Variants in UBASH3B observed in about 807,000 individuals in gnomAD.
UBASH3B encodes the protein ubiquitin-associated and SH3 domain-containing protein B.
Under a neutral mutation model 83.4 loss-of-function variants are expected in UBASH3B, and 37 were observed. That is an observed-to-expected ratio of 0.44 (90% CI 0.34 to 0.58). The LOEUF (loss-of-function observed/expected upper bound fraction) is 0.58. Ranked by LOEUF, UBASH3B falls within the 20% of genes least tolerant of loss-of-function variation. The pLI, the probability that UBASH3B is intolerant of heterozygous loss-of-function variation, is 0.01. For synonymous variants in UBASH3B, 304 were observed against 318.3 expected, an observed-to-expected ratio of 0.96 and a Z score of 0.48; for missense variants, 657 against 827.2, an observed-to-expected ratio of 0.79 and a Z score of 2.52.
At position 122,768,508 on chromosome 11, in the gene UBASH3B, G is replaced by GTGTGTATATA. The variant is rs557159523; in HGVS notation, c.162-7710_162-7709insGTGTATATAT. Among the ~76,000 whole-genome samples the GTGTGTATATA allele has an allele frequency of 8.8e-4, 118 of 134,394 alleles. 1 individual carries two copies. In the East Asian group the frequency reaches 0.012, roughly 13 times the overall value. The allele number at this position is 134,394 out of a possible 152,430, so 88.2% of individuals were successfully genotyped here. ...TGTGTGTGTGTGTGTGTGTGTGTGT[G>GTGTGTATATA]TATATATATATATTTGAGACTGAGC... On this transcript the variant is annotated intron_variant, in intron 1 of 13. Transcript: ENST00000284273.
intron 1 of UBASH3B, among the ~76,000 whole-genome samples, chr11:122,772,815 AT>A (rs577792297): frequency 4.9e-4 from 74 of 152,114 alleles, no homozygotes; most frequent in Non-Finnish European, 9.6e-4. Flanking sequence ...GTTCTTCTCC[AT>A]CCTTAGTAGG....
intron 6 of UBASH3B, among the ~76,000 whole-genome samples, chr11:122,789,584 G>T (rs1861015881): frequency 6.6e-6 from 1 of 152,120 alleles, no homozygotes; most frequent in Non-Finnish European, 1.5e-5. Flanking sequence ...GCCGAAGAGT[G>T]GCATCATCCC....
intron 1 of UBASH3B, among the ~76,000 whole-genome samples, chr11:122,736,142 C>A (rs2135956560): frequency 6.6e-6 from 1 of 152,164 alleles, no homozygotes; most frequent in South Asian, 2.1e-4. Flanking sequence ...TGGTACCTGG[C>A]AGAGAAAGAT....
intron 1 of UBASH3B, among the ~76,000 whole-genome samples, chr11:122,770,712 C>A (rs1461946651): frequency 4.0e-5 from 6 of 151,546 alleles, no homozygotes; most frequent in African/African-American, 1.5e-4. Flanking sequence ...CCAGCCCCAA[C>A]TTGTTTCTAC....
intron 1 of UBASH3B, among the ~76,000 whole-genome samples, chr11:122,735,186 A>G (rs954973635): frequency 6.6e-6 from 1 of 152,240 alleles, no homozygotes; most frequent in African/African-American, 2.4e-5. Flanking sequence ...TCACATGGAT[A>G]ATACCCAATA....
chr11:122,762,534 G>A (rs779015478), intron 1 of UBASH3B, among the ~76,000 whole-genome samples: 1 of 152,198 alleles, frequency 6.6e-6, no homozygotes, highest in South Asian at 2.1e-4. Flanking sequence ...GGGAAATGTT[G>A]CTTTCTTCTT....
intron 1 of UBASH3B, among the ~76,000 whole-genome samples, chr11:122,752,689 C>G (rs1861217776): frequency 6.6e-6 from 1 of 152,072 alleles, no homozygotes; most frequent in African/African-American, 2.4e-5. Flanking sequence ...TGGAGGTATG[C>G]ATGATGGAAT....
At chr11:122,698,906 A>G (rs953249178) in intron 1 of UBASH3B, among the ~76,000 whole-genome samples, 3 of 152,162 alleles carry the variant, frequency 2.0e-5, no homozygotes, top group Non-Finnish European at 2.9e-5. Flanking sequence ...GCTGGAGTGC[A>G]ATGTTGCGAT....
chr11:122,685,297 T>C lies in UBASH3B; in HGVS notation c.161+29087T>C, dbSNP rs573829195. Among the ~76,000 whole-genome samples the C allele has an allele frequency of 5.3e-5, 8 of 152,306 alleles. No homozygotes were observed. The East Asian group carries it at 9.7e-4, about 18-fold the overall frequency. The stretch of plus-strand genomic sequence containing the variant: ...TTGAGAGCAAAGACCTTGACTGTCT[T>C]ATTCATTACTCTGATTCTCCTGCCT... On this transcript the variant is annotated intron_variant, in intron 1 of 13. Transcript: ENST00000284273.
At chr11:122,782,158 T>C (rs1042729667) in intron 4 of UBASH3B, among the ~76,000 whole-genome samples, 2 of 151,962 alleles carry the variant, frequency 1.3e-5, no homozygotes, top group African/African-American at 2.4e-5. Context: ...GGAGCATCAC[T>C]TGAGCCCAGG....
chr11:122,661,878 A>C (rs1124106), intron 1 of UBASH3B, among the ~76,000 whole-genome samples: 8,937 of 150,286 alleles, frequency 0.059, 515 homozygotes, highest in African/African-American at 0.13. Flanking sequence ...AAAAAACAAA[A>C]AAAAAAATAC....
intron 1 of UBASH3B, among the ~76,000 whole-genome samples, chr11:122,740,257 G>A (rs759871760): frequency 6.6e-6 from 1 of 152,210 alleles, no homozygotes; most frequent in Non-Finnish European, 1.5e-5. Flanking sequence ...ATGCAGGTGG[G>A]AATTGGGAGG....
chr11:122,667,726 T>C lies in UBASH3B; in HGVS notation c.161+11516T>C, dbSNP rs548488258. ...TTAATATTATGCCTCAGGTGTAAGA[T>C]CCTGCTTGGAAGAAACCTCCAGAGG... is the stretch of plus-strand genomic sequence containing the variant. On this transcript the variant is annotated intron_variant, in intron 1 of 13. Coordinates refer to ENST00000284273, the MANE Select transcript of UBASH3B (RefSeq NM_032873.5). Among the ~76,000 whole-genome samples the C allele has an allele frequency of 3.3e-5, 5 of 152,280 alleles. No individual in the cohort carries two copies. In the South Asian group the frequency reaches 1.0e-3, roughly 32 times the overall value.
chr11:122,699,938 T>C (rs180680906), intron 1 of UBASH3B, among the ~76,000 whole-genome samples: 1 of 152,292 alleles, frequency 6.6e-6, no homozygotes, highest in East Asian at 1.9e-4. Flanking sequence ...GTAAATATTA[T>C]TGTTTAGCTT....
At chr11:122,658,846 G>A (rs1376484926) in intron 1 of UBASH3B, among the ~76,000 whole-genome samples, 1 of 152,246 alleles carries the variant, frequency 6.6e-6, no homozygotes, top group Non-Finnish European at 1.5e-5. Flanking sequence ...GTCACAAACT[G>A]AGTGGCTTAG....
intron 1 of UBASH3B, among the ~76,000 whole-genome samples, chr11:122,753,493 CTTTCTTTTTTTTT>C (rs1565552628): frequency 8.5e-6 from 1 of 117,234 alleles, no homozygotes; most frequent in Non-Finnish European, 1.7e-5. Context: ...TATCTTTTTT[CTTTCTTTTTTTTT>C]TTTTTTTTGG....
At chr11:122,756,952 C>T (rs1293987214) in intron 1 of UBASH3B, among the ~76,000 whole-genome samples, 7 of 152,188 alleles carry the variant, frequency 4.6e-5, no homozygotes, top group Admixed American at 2.0e-4. Context: ...CACTTGCCTC[C>T]GCGGGTCTTA....
At chr11:122,721,594 C>T (rs1472285351) in intron 1 of UBASH3B, among the ~76,000 whole-genome samples, 3 of 152,210 alleles carry the variant, frequency 2.0e-5, no homozygotes, top group Non-Finnish European at 4.4e-5. Context: ...TTTAAAAGTC[C>T]TTAATCCAGA....
chr11:122,760,542 T>C (rs1481003205), intron 1 of UBASH3B, among the ~76,000 whole-genome samples: 1 of 152,096 alleles, frequency 6.6e-6, no homozygotes, highest in Non-Finnish European at 1.5e-5. Flanking sequence ...TTTGTATTTT[T>C]AGTAGAGACG....
Sources: allele counts gnomAD v4.1 joint callset (sites outside exome capture counted in the v4.1 genomes callset), GRCh38; gene constraint gnomAD v4.1.1; transcripts MANE v1.5; gene names NCBI Gene and HGNC (gene_info 2026-07-23, HGNC 2026-07-21).